Variants in DNAH2 observed in about 807,000 individuals in gnomAD.
DNAH2 encodes axonemal beta dynein heavy chain 2.
Under a neutral mutation model 523.5 loss-of-function variants are expected in DNAH2, and 323 were observed. That is an observed-to-expected ratio of 0.62 (90% CI 0.56 to 0.68). The LOEUF (loss-of-function observed/expected upper bound fraction) is 0.68, where lower values mean the gene tolerates loss of function less well. Among genes scored for constraint, DNAH2 ranks in the 30% least tolerant of loss-of-function variants. The pLI is 0.00. For synonymous variants in DNAH2, 2,093 were observed against 2,177.4 expected, an observed-to-expected ratio of 0.96 and a Z score of 1.08; for missense variants, 4,907 against 5,701.5, an observed-to-expected ratio of 0.86 and a Z score of 4.49.
chr17:7,827,723 C>G (rs7406485), intron 77 of DNAH2, among the ~76,000 whole-genome samples: 63,584 of 151,746 alleles, frequency 0.42, 14,491 homozygotes, highest in East Asian at 0.84. Context: ...TGGGATTACA[C>G]GCATCAGCCA....
intron 44 of DNAH2, among the ~76,000 whole-genome samples, chr17:7,788,795 A>AAG (rs1413581646): frequency 2.0e-5 from 3 of 152,250 alleles, no homozygotes; most frequent in African/African-American, 7.2e-5. Context: ...TAGGTAATTA[A>AAG]ACTATTAATA....
rs144172284 is a variant in DNAH2, at chr17:7,733,155, A to T, written c.468A>T (p.Ala156=). The T allele has an allele frequency of 8.2e-4, 1,325 of 1,614,188 alleles. 16 individuals are homozygous for T. Among genetic ancestry groups the T allele is most frequent in the Middle Eastern group, 4.0e-3 (24 of 6,052 alleles). Residue 156 remains alanine, a synonymous_variant, in exon 5 of 86, where the codon GCA becomes GCT. Transcript: ENST00000572933. Reference sequence around the variant, plus strand: ...CCATCACCTGGGAGAACTTCGAGGCAACTGTGCAGTTTGGGACGGTGCGGG... The same window carrying T: ...CCATCACCTGGGAGAACTTCGAGGCTACTGTGCAGTTTGGGACGGTGCGGG... ...PVPITWENFE[A]TVQFGTVRGP...
chr17:7,815,387 C>T (rs1489343574), intron 63 of DNAH2, among the ~76,000 whole-genome samples: 9 of 152,298 alleles, frequency 5.9e-5, no homozygotes, highest in Admixed American at 2.6e-4. Flanking sequence ...GAACATGTAT[C>T]GTGTAAATGC....
intron 10 of DNAH2, 33 bp downstream of exon 10, chr17:7,740,582 G>C (rs756819720): frequency 6.2e-7 from 1 of 1,608,296 alleles, no homozygotes; most frequent in Non-Finnish European, 8.5e-7. Flanking sequence ...TCGGCTTCCC[G>C]TCCCGCGTGC....
At position 7,831,049 on chromosome 17, in the gene DNAH2, C is replaced by G; in HGVS notation, c.12231-37C>G. ...TTGGCCTGGCATTGAGGGCTGAGTC[C>G]CCACAATGTGGCAGTAATTATGCTA... On this transcript the variant is annotated intron_variant, in intron 79 of 85. Transcript: ENST00000572933. The surrounding 1 kb of genome is among the most constrained non-coding windows in gnomAD (Gnocchi z 4.2). 6.3e-7 allele frequency: 1 copy of G among 1,596,812 alleles called. No homozygotes were observed. The highest frequency in any genetic ancestry group is 8.5e-7 in the Non-Finnish European group (1 of 1,170,706).
At chr17:7,749,135 C>A (rs1280903473) in intron 12 of DNAH2, among the ~76,000 whole-genome samples, 6 of 149,450 alleles carry the variant, frequency 4.0e-5, no homozygotes, top group African/African-American at 1.2e-4. Context: ...ATGGAGATAC[C>A]CTGTCTCTAC....
intron 5 of DNAH2, among the ~76,000 whole-genome samples, 159 bp downstream of exon 5, chr17:7,733,474 T>C (rs147326854): frequency 1.3e-5 from 2 of 148,684 alleles, no homozygotes; most frequent in East Asian, 1.9e-4. Flanking sequence ...GCCTTCTTCT[T>C]CTTTTTTTTT....
intron 13 of DNAH2, among the ~76,000 whole-genome samples, chr17:7,757,809 G>A (rs1003109731): frequency 4.6e-5 from 7 of 152,178 alleles, no homozygotes; most frequent in Non-Finnish European, 7.3e-5. Flanking sequence ...GAGGGCCTGC[G>A]TCCTGGTTCA....
chr17:7,815,652 G>A (rs1485158843), intron 63 of DNAH2, among the ~76,000 whole-genome samples: 2 of 147,646 alleles, frequency 1.4e-5, no homozygotes, highest in Non-Finnish European at 3.0e-5. Flanking sequence ...ACACGTATAC[G>A]GGATCACACA....
intron 20 of DNAH2, among the ~76,000 whole-genome samples, chr17:7,765,097 T>A (rs1476901710): frequency 6.6e-6 from 1 of 152,226 alleles, no homozygotes; most frequent in African/African-American, 2.4e-5. Flanking sequence ...CACCTTGATT[T>A]TTTTAGCCCT....
At chr17:7,742,894 G>C in intron 11 of DNAH2, 34 bp from the exon 12 acceptor site, 6 of 1,413,136 alleles carry the variant, frequency 4.2e-6, no homozygotes, top group Non-Finnish European at 5.5e-6. Flanking sequence ...AAGGTGGCAG[G>C]CCGACTCCAC....
rs1399402838 is a variant in DNAH2, at chr17:7,799,175, C to G, written c.8632C>G (p.Leu2878Val). 6.2e-7 allele frequency: 1 copy of G among 1,614,242 alleles called. No individual in the cohort carries two copies. Reference protein sequence around the residue: ...PESSDSLFAYLIERVQNNLHI... With the variant: ...PESSDSLFAYVIERVQNNLHI... ...GTCATCGGACAGCCTCTTCGCCTAC[C>G]TCATTGAACGCGTGCAGAACAACCT... The change falls in exon 56 of 86, where the codon CTC (leucine) becomes GTC (valine). Residue 2878 changes from leucine (L) to valine (V), a missense_variant. Transcript: ENST00000572933.
At chr17:7,790,394 T>C (rs2076864907) in intron 44 of DNAH2, among the ~76,000 whole-genome samples, 1 of 152,052 alleles carries the variant, frequency 6.6e-6, no homozygotes, top group Non-Finnish European at 1.5e-5. Context: ...AGCTAATTTT[T>C]GATTATTTCT....
chr17:7,802,926 G>A (rs2077263814), intron 58 of DNAH2, among the ~76,000 whole-genome samples: 1 of 152,018 alleles, frequency 6.6e-6, no homozygotes, highest in Admixed American at 6.6e-5. Flanking sequence ...TCCGGCCTTG[G>A]CCTCCCAAAG....
At chr17:7,755,972 C>T (rs2075824079) in intron 12 of DNAH2, among the ~76,000 whole-genome samples, 1 of 151,916 alleles carries the variant, frequency 6.6e-6, no homozygotes, top group African/African-American at 2.4e-5. Context: ...AGTGGTGGCT[C>T]ATGCCTGTAA....
At chr17:7,811,489 A>T (rs948612752) in intron 63 of DNAH2, among the ~76,000 whole-genome samples, 1 of 152,172 alleles carries the variant, frequency 6.6e-6, no homozygotes, top group Non-Finnish European at 1.5e-5. Flanking sequence ...ATCTCAGTTC[A>T]TTTGGGCTCC....
In DNAH2 at chr17:7,790,405, A is replaced by C. The variant is rs369565504; in HGVS notation, c.6901-1512A>C. On this transcript the variant is annotated intron_variant, in intron 44 of 85. Coordinates refer to ENST00000572933, the MANE Select transcript of DNAH2 (RefSeq NM_020877.5). ...ACCCAGCTAATTTTTGATTATTTCTAGAGATGGGGTCTCACTGTGTTGCCC... is the reference window on the plus strand; with the variant it reads ...ACCCAGCTAATTTTTGATTATTTCTCGAGATGGGGTCTCACTGTGTTGCCC... 7.9e-5 allele frequency among the ~76,000 whole-genome samples: 12 copies of C among 151,954 alleles called. No individual in the cohort carries two copies. In the East Asian group the frequency reaches 9.7e-4, roughly 12 times the overall value.
chr17:7,818,511 T>C, intron 69 of DNAH2, 51 bp downstream of exon 69: 6 of 1,607,268 alleles, frequency 3.7e-6, no homozygotes, highest in Non-Finnish European at 5.1e-6. Flanking sequence ...AGGAAGAGTT[T>C]GGAAGGATTG....
At chr17:7,820,116 G>A (rs2077812772) in intron 72 of DNAH2, among the ~76,000 whole-genome samples, 1 of 152,030 alleles carries the variant, frequency 6.6e-6, no homozygotes, top group African/African-American at 2.4e-5. Flanking sequence ...GCAAAAACTG[G>A]GAGTTATCCT....
Sources: gnomAD v4.1 joint callset for allele counts (sites outside exome capture counted in the v4.1 genomes callset) on GRCh38, gnomAD v4.1.1 for gene constraint, Gnocchi (gnomAD v3.1) non-coding constraint, MANE v1.5 for transcripts, NCBI Gene and HGNC (gene_info 2026-07-23, HGNC 2026-07-21) for gene names.